The following RYR2 variants were observed in gnomAD, a reference collection of about 807,000 sequenced individuals.
RYR2 encodes the protein cardiac muscle ryanodine receptor-calcium release channel.
Under a neutral mutation model 601.1 loss-of-function variants are expected in RYR2, and 227 were observed. The observed-to-expected ratio is 0.38, with a 90% CI of 0.34 to 0.42. The LOEUF (loss-of-function observed/expected upper bound fraction) is 0.42. RYR2 is among the 10% of genes least tolerant of loss of function. The probability of loss-of-function intolerance (pLI) is 1.00; values close to 1 mark genes in which losing one functional copy is unlikely to be tolerated. For missense variants in RYR2, 4,646 were observed against 6,156.5 expected, an observed-to-expected ratio of 0.75 and a Z score of 8.21; for synonymous variants, 2,223 against 2,175.1, an observed-to-expected ratio of 1.02 and a Z score of -0.61.
chr1:237,122,638 C>T (rs761552059), intron 1 of RYR2, among the ~76,000 whole-genome samples: 16 of 152,108 alleles, frequency 1.1e-4, no homozygotes, highest in Admixed American at 2.0e-4. Context: ...GCTGAGATCG[C>T]GCCACTGCAC....
At chr1:237,508,734 C>CTTTTTTTTTTT (rs869044432) in intron 23 of RYR2, among the ~76,000 whole-genome samples, 1 of 77,642 alleles carries the variant, frequency 1.3e-5, no homozygotes, top group African/African-American at 4.2e-5. Flanking sequence ...TTCGGGTTTT[C>CTTTTTTTTTTT]TTTTTTTTTT....
intron 1 of RYR2, among the ~76,000 whole-genome samples, chr1:237,207,244 C>CT (rs1196667262): frequency 2.6e-5 from 4 of 151,994 alleles, no homozygotes; most frequent in Admixed American, 6.6e-5. Flanking sequence ...GAGCTCCTGC[C>CT]TTATGAATGG....
At chr1:237,674,903 A>G in intron 60 of RYR2, 57 bp downstream of exon 60, 1 of 957,986 alleles carries the variant, frequency 1.0e-6, no homozygotes, top group East Asian at 2.5e-5. Context: ...TAATGTTTAC[A>G]ACATCAGGAT....
chr1:237,435,423 AT>A (rs546935092), intron 12 of RYR2, among the ~76,000 whole-genome samples: 1,522 of 152,120 alleles, frequency 0.01, 27 homozygotes, highest in African/African-American at 0.035. Context: ...AGAACTTGTA[AT>A]TTTTTTTCTT....
At position 237,270,508 on chromosome 1, in the gene RYR2, G is replaced by T; in HGVS notation, c.60G>T (p.Val20=). 2 of 1,582,818 alleles carry T rather than the reference G, an allele frequency of 1.3e-6. No homozygotes were observed. The highest frequency in any genetic ancestry group is 1.7e-6 in the Non-Finnish European group (2 of 1,163,744). Residue 20 remains valine, a synonymous_variant, in exon 2 of 105, where the codon GTG becomes GTT. Transcript: ENST00000366574. ...EIQFLRTDDE[V]VLQCTATIHK... is the part of the protein sequence containing the mutation. ...CTCCCCCTTTGCAGGATGATGAAGT[G>T]GTTCTGCAGTGCACCGCAACCATCC... is the stretch of plus-strand genomic sequence containing the variant.
chr1:237,306,641 T>C (rs145039184), intron 2 of RYR2, among the ~76,000 whole-genome samples: 17 of 152,346 alleles, frequency 1.1e-4, no homozygotes, highest in Non-Finnish European at 2.4e-4. Context: ...TTTGACTTTT[T>C]TCGTGTGGGT....
At chr1:237,536,967 A>T (rs1668706933) in intron 25 of RYR2, among the ~76,000 whole-genome samples, 1 of 152,116 alleles carries the variant, frequency 6.6e-6, no homozygotes, top group Non-Finnish European at 1.5e-5. Flanking sequence ...TGAGCAAAGG[A>T]TATGAACATA....
chr1:237,719,758 C>T (rs1689559963), intron 73 of RYR2, among the ~76,000 whole-genome samples: 1 of 151,672 alleles, frequency 6.6e-6, no homozygotes, highest in Non-Finnish European at 1.5e-5. Context: ...CCCACCAGGT[C>T]CCGTCTCCAA....
At chr1:237,303,413 C>T (rs1297735230) in intron 2 of RYR2, among the ~76,000 whole-genome samples, 1 of 149,024 alleles carries the variant, frequency 6.7e-6, no homozygotes, top group Non-Finnish European at 1.5e-5. Context: ...GATTCTCCTG[C>T]CTCAGCCTCC....
At chr1:237,750,162 AAAAAG>A (rs1208659892) in intron 80 of RYR2, among the ~76,000 whole-genome samples, 2 of 152,196 alleles carry the variant, frequency 1.3e-5, no homozygotes, top group Admixed American at 6.5e-5. Context: ...CAAAAAAAGA[AAAAAG>A]AAAAGAAAAT....
chr1:237,101,504 G>C (rs1266646957), intron 1 of RYR2, among the ~76,000 whole-genome samples: 2 of 151,940 alleles, frequency 1.3e-5, no homozygotes, highest in Non-Finnish European at 2.9e-5. Flanking sequence ...CAGTTACTAG[G>C]TTCTATAGAT....
At chr1:237,356,711 G>A (rs1373795027) in intron 4 of RYR2, among the ~76,000 whole-genome samples, 3 of 151,884 alleles carry the variant, frequency 2.0e-5, no homozygotes, top group African/African-American at 7.3e-5. Context: ...TATCTGTTAG[G>A]AAAAAATAAA....
chr1:237,699,098 A>C, intron 64 of RYR2, 73 bp downstream of exon 64: 1 of 704,692 alleles, frequency 1.4e-6, no homozygotes, highest in South Asian at 2.3e-5. Flanking sequence ...AATATTAAGA[A>C]GGACCCAGTG....
intron 1 of RYR2, among the ~76,000 whole-genome samples, chr1:237,222,330 G>A (rs544455555): frequency 1.3e-5 from 2 of 151,688 alleles, no homozygotes; most frequent in East Asian, 2.0e-4. Context: ...GGAGAATGGC[G>A]TGAACCTGGG....
At chr1:237,757,595 G>C in intron 81 of RYR2, 102 bp from the exon 82 acceptor site, 2 of 750,604 alleles carry the variant, frequency 2.7e-6, no homozygotes, top group African/African-American at 1.7e-5. Flanking sequence ...AGATTGCCTG[G>C]GGGGGCATAA....
intron 27 of RYR2, among the ~76,000 whole-genome samples, chr1:237,552,849 A>G (rs1417402733): frequency 2.0e-5 from 3 of 151,990 alleles, no homozygotes; most frequent in African/African-American, 4.8e-5. Flanking sequence ...GAATATTCAT[A>G]TACAAATCTT....
intron 84 of RYR2, among the ~76,000 whole-genome samples, chr1:237,763,182 C>T (rs146060312): frequency 0.011 from 1,667 of 152,274 alleles, 18 homozygotes; most frequent in Middle Eastern, 0.02. Flanking sequence ...ATTACATTTT[C>T]GGATTGGTTT....
At chr1:237,162,166 T>A (rs1422109742) in intron 1 of RYR2, among the ~76,000 whole-genome samples, 1 of 152,216 alleles carries the variant, frequency 6.6e-6, no homozygotes, top group Non-Finnish European at 1.5e-5. Context: ...AAAGGTGCTG[T>A]GCTGGAATTA....
Position 237,632,325 on chromosome 1 carries a change from A to G in RYR2, c.6555+784A>G, listed in dbSNP as rs557162931. 3.6e-3 allele frequency among the ~76,000 whole-genome samples: 550 copies of G among 151,796 alleles called. 8 individuals carry two copies. Among genetic ancestry groups the G allele is most frequent in the African/African-American group, 0.013 (529 of 41,410 alleles). On this transcript the variant is annotated intron_variant, in intron 42 of 104. Coordinates refer to ENST00000366574, the MANE Select transcript of RYR2 (RefSeq NM_001035.3). ...ATTGGTTGGTTTCACTTAATTTCCA[A>G]TCCAGATTGAGATTTGATGATAATA...
Sources: gnomAD v4.1 joint callset for allele counts (sites outside exome capture counted in the v4.1 genomes callset) on GRCh38, gnomAD v4.1.1 for gene constraint, MANE v1.5 for transcripts, NCBI Gene and HGNC (gene_info 2026-07-23, HGNC 2026-07-21) for gene names.